Variants in ACAA2 observed in about 807,000 individuals in gnomAD.
The protein encoded by ACAA2 is 3-ketoacyl-CoA thiolase, mitochondrial.
ACAA2 carries 35 observed loss-of-function variants against 44.8 expected under a neutral mutation model. That is an observed-to-expected ratio of 0.78 (90% CI 0.60 to 1.04). The LOEUF (loss-of-function observed/expected upper bound fraction) is 1.04. Ranked by LOEUF, ACAA2 falls within the 50% of genes least tolerant of loss-of-function variation. The pLI is 0.00. For missense variants in ACAA2, 468 were observed against 482.6 expected (o/e 0.97, Z 0.28); for synonymous variants, 142 against 166.5 (o/e 0.85, Z 1.13).
chr18:49,806,517 C>T (rs1004353956), intron 1 of ACAA2, among the ~76,000 whole-genome samples: 1 of 152,130 alleles, frequency 6.6e-6, no homozygotes, highest in African/African-American at 2.4e-5. Flanking sequence ...AATAAATAGC[C>T]AACCAATCAA....
At chr18:49,801,812 A>ATATATATC (rs1347357878) in intron 2 of ACAA2, among the ~76,000 whole-genome samples, 2,367 of 143,198 alleles carry the variant, frequency 0.017, 34 homozygotes, top group Middle Eastern at 0.033. Flanking sequence ...ATATATATAT[A>ATATATATC]TATCTTATCT....
intron 6 of ACAA2, 51 bp downstream of exon 6, chr18:49,792,101 T>G: frequency 6.7e-7 from 1 of 1,483,404 alleles, no homozygotes; most frequent in South Asian, 1.2e-5. Flanking sequence ...ATGATTACTT[T>G]TGTTGAACAC....
chr18:49,791,754 A>C lies in ACAA2; in HGVS notation c.754-155T>G, dbSNP rs140796418. Among the ~76,000 whole-genome samples the C allele has an allele frequency of 3.0e-4, 46 of 152,322 alleles. 1 individual carries two copies. The East Asian group carries it at 8.3e-3, about 27-fold the overall frequency. ...TAGAAAAGTGGTACTGTGGTGGATGAAGGAGATTTTTTAAGGCACAGAATA... is the reference window on the plus strand; with the variant it reads ...TAGAAAAGTGGTACTGTGGTGGATGCAGGAGATTTTTTAAGGCACAGAATA... On this transcript the variant is annotated intron_variant, in intron 6 of 9. Transcript: ENST00000285093.
intron 4 of ACAA2, among the ~76,000 whole-genome samples, chr18:49,794,745 C>T (rs978570436): frequency 1.3e-5 from 2 of 152,186 alleles, no homozygotes; most frequent in Non-Finnish European, 2.9e-5. Context: ...TCCTCAAGGT[C>T]ATATTTTGTA....
Position 49,802,698 on chromosome 18 carries a change from T to A in ACAA2, c.172A>T (p.Asn58Tyr). The change falls in exon 2 of 10, where the codon AAT becomes TAT. Residue 58 changes from asparagine (N) to tyrosine (Y), a missense_variant. Coordinates refer to ENST00000285093, the MANE Select transcript of ACAA2 (RefSeq NM_006111.3). ...TTTACTCTACTAACCTGCAGGACATTGCCCATAATCACACTGTCAACTGTT... is the reference window on the plus strand; with the variant it reads ...TTTACTCTACTAACCTGCAGGACATAGCCCATAATCACACTGTCAACTGTT... ...PETVDSVIMG[N>Y]VLQSSSDAIY... 1.2e-6 allele frequency: 2 copies of A among 1,613,890 alleles called. No individual in the cohort carries two copies. The highest frequency in any genetic ancestry group is 1.7e-6 in the Non-Finnish European group (2 of 1,179,914).
intron 3 of ACAA2, among the ~76,000 whole-genome samples, chr18:49,796,937 T>C (rs1046285856): frequency 7.3e-5 from 11 of 150,590 alleles, no homozygotes; most frequent in Admixed American, 1.3e-4. Context: ...GAAAGAATGA[T>C]GAACATACTA....
At chr18:49,793,274 G>T (rs143181465) in intron 5 of ACAA2, among the ~76,000 whole-genome samples, 126 of 152,266 alleles carry the variant, frequency 8.3e-4, no homozygotes, top group Non-Finnish European at 1.2e-3. Context: ...TGGAAATAGG[G>T]TCAGGAATAA....
chr18:49,795,352 TTC>T (rs2023452992), intron 4 of ACAA2, among the ~76,000 whole-genome samples: 1 of 152,190 alleles, frequency 6.6e-6, no homozygotes. Context: ...AAGAAATCTA[TTC>T]TGAGACTGTC....
Position 49,803,905 on chromosome 18 carries a change from T to C in ACAA2, c.17-1052A>G, listed in dbSNP as rs566022765. Among the ~76,000 whole-genome samples, 194 of 133,168 alleles carry C rather than the reference T, an allele frequency of 1.5e-3. 1 individual carries two copies. The highest frequency in any genetic ancestry group is 4.4e-3 in the Middle Eastern group (1 of 226). The allele number at this position is 133,168 out of a possible 152,430, so 87.4% of individuals were successfully genotyped here. A position where few individuals can be genotyped will look rare whatever the true frequency, so the allele number is the denominator to read the frequency against. ...TCATGGACAACATAAACTAATGATATTGCTTTTTTTTTTTTTTTTTTGGAG... is the reference window on the plus strand; with the variant it reads ...TCATGGACAACATAAACTAATGATACTGCTTTTTTTTTTTTTTTTTTGGAG... On this transcript the variant is annotated intron_variant, in intron 1 of 9. Coordinates refer to ENST00000285093, the MANE Select transcript of ACAA2 (RefSeq NM_006111.3).
At chr18:49,786,277 T>C (rs1479848470) in intron 8 of ACAA2, 2 of 152,220 alleles carry the variant, frequency 1.3e-5, no homozygotes, top group Non-Finnish European at 2.9e-5. Context: ...AACTAGGCTT[T>C]TGAACCTAGG....
chr18:49,800,890 TA>T (rs5824805), intron 2 of ACAA2, among the ~76,000 whole-genome samples: 161 of 121,096 alleles, frequency 1.3e-3, no homozygotes, highest in Non-Finnish European at 1.5e-3. Flanking sequence ...GAATGATCAA[TA>T]AAAAAAAAAA....
chr18:49,785,944 G>C (rs2023323602), intron 8 of ACAA2: 1 of 152,266 alleles, frequency 6.6e-6, no homozygotes, highest in Non-Finnish European at 1.5e-5. Flanking sequence ...GTACATAAAG[G>C]GAACAGTTAC....
At chr18:49,803,280 A>ATAATAATAATAATAT (rs531343535) in intron 1 of ACAA2, among the ~76,000 whole-genome samples, 3 of 149,334 alleles carry the variant, frequency 2.0e-5, no homozygotes, top group East Asian at 3.9e-4. Flanking sequence ...AATAATAATA[A>ATAATAATAATAATAT]TATCAATCCC....
intron 5 of ACAA2, 90 bp downstream of exon 5, chr18:49,794,190 G>A: frequency 2.1e-6 from 2 of 935,808 alleles, no homozygotes; most frequent in Non-Finnish European, 2.9e-6. Context: ...GGTATGATTT[G>A]TAAATATTAT....
chr18:49,809,488 C>T (rs1037424338), intron 1 of ACAA2, among the ~76,000 whole-genome samples: 34 of 152,182 alleles, frequency 2.2e-4, no homozygotes, highest in Non-Finnish European at 4.6e-4. Flanking sequence ...CAATGTCCTT[C>T]AACAGGTGAA....
chr18:49,812,085 A>T (rs896952630), intron 1 of ACAA2, among the ~76,000 whole-genome samples: 2 of 152,258 alleles, frequency 1.3e-5, no homozygotes, highest in Non-Finnish European at 2.9e-5. Context: ...CTCGTCTAAA[A>T]AAAATTCACC....
At chr18:49,801,835 T>G (rs2023553863) in intron 2 of ACAA2, among the ~76,000 whole-genome samples, 1 of 141,984 alleles carries the variant, frequency 7.0e-6, no homozygotes, top group Non-Finnish European at 1.5e-5. Flanking sequence ...TTCATTAGAT[T>G]ATTACCTCCT....
chr18:49,805,810 C>T lies in ACAA2; in HGVS notation c.17-2957G>A, dbSNP rs1335898686. ...CTTGCTATGTTTCCCAGGCTGGTCT[C>T]GAACTCCTGGGCTCAAGCAATCCTC... On this transcript the variant is annotated intron_variant, in intron 1 of 9. Transcript: ENST00000285093. Among the ~76,000 whole-genome samples the T allele has an allele frequency of 5.3e-5, 8 of 150,758 alleles. No homozygotes were observed. In the South Asian group the frequency reaches 8.4e-4, roughly 16 times the overall value.
At chr18:49,810,681 TGGG>T (rs1333230557) in intron 1 of ACAA2, among the ~76,000 whole-genome samples, 1 of 151,960 alleles carries the variant, frequency 6.6e-6, no homozygotes, top group Non-Finnish European at 1.5e-5. Context: ...ATTTTTGGTT[TGGG>T]TTTTTTTTGT....
Sources: allele counts gnomAD v4.1 joint callset (sites outside exome capture counted in the v4.1 genomes callset), GRCh38; gene constraint gnomAD v4.1.1; transcripts MANE v1.5; gene names NCBI Gene and HGNC (gene_info 2026-07-23, HGNC 2026-07-21).